Variants in VEPH1 observed in about 807,000 individuals in gnomAD.
VEPH1 encodes the protein ventricular zone-expressed PH domain-containing protein homolog 1.
A neutral mutation model predicts 85.2 loss-of-function variants in VEPH1; 80 were observed. The observed-to-expected ratio is 0.94, with a 90% confidence interval of 0.78 to 1.13. VEPH1 has a LOEUF of 1.13. Among genes scored for constraint, VEPH1 ranks in the 50% most tolerant of loss-of-function variants. The probability of loss-of-function intolerance (pLI) is 0.00; values close to 1 mark genes in which losing one functional copy is unlikely to be tolerated. For missense variants in VEPH1, 955 were observed against 980.5 expected (o/e 0.97, Z 0.35); for synonymous variants, 297 against 348.0 (o/e 0.85, Z 1.63).
chr3:157,489,657 CTTAT>C (rs1739031979), intron 2 of VEPH1, among the ~76,000 whole-genome samples: 1 of 151,904 alleles, frequency 6.6e-6, no homozygotes, highest in African/African-American at 2.4e-5. Context: ...ACATATCTTC[CTTAT>C]TTATTTGTTT....
chr3:157,317,074 A>G lies in VEPH1; in HGVS notation c.1863T>C (p.Phe621=), dbSNP rs773977718. The G allele has an allele frequency of 6.2e-7, 1 of 1,612,384 alleles. No homozygotes were observed. Among genetic ancestry groups the G allele is most frequent in the African/African-American group, 1.3e-5 (1 of 74,880 alleles). ...QEPQPWIQIM[F]LFQQSLFPEP... Reference sequence around the variant, plus strand: ...AAATTATACAAACCTGCTGAAATAGAAACATGATCTGGATCCATGGCTGAG... The same window carrying G: ...AAATTATACAAACCTGCTGAAATAGGAACATGATCTGGATCCATGGCTGAG... Residue 621 remains phenylalanine, a synonymous_variant, in exon 10 of 14, where the codon TTT becomes TTC. Transcript: ENST00000362010.
At chr3:157,295,954 C>A (rs1410339013) in intron 11 of VEPH1, among the ~76,000 whole-genome samples, 2 of 149,362 alleles carry the variant, frequency 1.3e-5, no homozygotes, top group African/African-American at 4.9e-5. Context: ...GACTCCATCT[C>A]AAAAAAAAAT....
At chr3:157,280,442 G>T (rs1033687004) in intron 12 of VEPH1, among the ~76,000 whole-genome samples, 5 of 152,138 alleles carry the variant, frequency 3.3e-5, no homozygotes, top group Admixed American at 6.5e-5. Flanking sequence ...AGACAAGATT[G>T]TTGACCCAAT....
intron 6 of VEPH1, among the ~76,000 whole-genome samples, chr3:157,386,682 A>G: frequency 6.6e-6 from 1 of 152,196 alleles, no homozygotes; most frequent in East Asian, 1.9e-4. Flanking sequence ...CAAAATGTCA[A>G]TATTGCCAAG....
In VEPH1 at chr3:157,450,427, C is replaced by T. The variant is rs1577687546; in HGVS notation, c.529+9754G>A. 2.0e-5 allele frequency among the ~76,000 whole-genome samples: 3 copies of T among 151,994 alleles called. No individual in the cohort carries two copies. In the East Asian group the frequency reaches 5.8e-4, roughly 29 times the overall value. On this transcript the variant is annotated intron_variant, in intron 4 of 13. Transcript: ENST00000362010. ...GAGATAATGATTGTTTTGACCCTTC[C>T]TTTCTGTTATAACTTTCATTTATTT...
At chr3:157,305,843 C>T (rs139972751) in intron 11 of VEPH1, among the ~76,000 whole-genome samples, 148 of 152,274 alleles carry the variant, frequency 9.7e-4, no homozygotes, top group African/African-American at 3.4e-3. Context: ...ATATCTTTTA[C>T]GGACTCAGTC....
chr3:157,470,219 G>T, intron 3 of VEPH1, 95 bp downstream of exon 3: 3 of 1,122,814 alleles, frequency 2.7e-6, no homozygotes, highest in Non-Finnish European at 3.9e-6. Flanking sequence ...GTATCTAAAT[G>T]CTGCAGAAGC....
intron 2 of VEPH1, among the ~76,000 whole-genome samples, chr3:157,492,333 C>G (rs1375694003): frequency 6.6e-6 from 1 of 152,166 alleles, no homozygotes; most frequent in Non-Finnish European, 1.5e-5. Flanking sequence ...CATTGTAAAT[C>G]AGTACATCGT....
intron 3 of VEPH1, 110 bp downstream of exon 3, chr3:157,470,204 T>A (rs1736790309): frequency 1.0e-6 from 1 of 1,000,468 alleles, no homozygotes. Flanking sequence ...TAGTGTCTTT[T>A]TACAGTATCT....
chr3:157,454,870 G>A (rs1486571006), intron 4 of VEPH1, among the ~76,000 whole-genome samples: 1 of 152,006 alleles, frequency 6.6e-6, no homozygotes, highest in Admixed American at 6.6e-5. Flanking sequence ...GCATTAATTC[G>A]CTTAGGATAA....
At chr3:157,371,633 G>A (rs796825726) in intron 7 of VEPH1, among the ~76,000 whole-genome samples, 3 of 152,182 alleles carry the variant, frequency 2.0e-5, no homozygotes, top group East Asian at 3.9e-4. Flanking sequence ...TTTGAGAAGC[G>A]ATGGCCCAGA....
chr3:157,302,359 G>A (rs969706510), intron 11 of VEPH1, among the ~76,000 whole-genome samples: 1 of 152,172 alleles, frequency 6.6e-6, no homozygotes, highest in African/African-American at 2.4e-5. Flanking sequence ...GAAGGCTTAT[G>A]TCCCCCTACC....
chr3:157,314,330 CAA>C (rs34703314), intron 10 of VEPH1, among the ~76,000 whole-genome samples: 568 of 42,890 alleles, frequency 0.013, 2 homozygotes, highest in East Asian at 0.1. Context: ...GAGGATCCGT[CAA>C]AAAAAAAAAA....
intron 11 of VEPH1, among the ~76,000 whole-genome samples, chr3:157,290,033 CAA>C (rs201562979): frequency 3.0e-4 from 24 of 78,708 alleles, no homozygotes; most frequent in African/African-American, 1.3e-3. Flanking sequence ...TTATTATACA[CAA>C]ACACACACAC....
Position 157,261,031 on chromosome 3 carries a change from G to A in VEPH1, c.*103C>T. The A allele has an allele frequency of 2.0e-6, 3 of 1,491,392 alleles. No individual in the cohort carries two copies. The highest frequency in any genetic ancestry group is 2.7e-6 in the Non-Finnish European group (3 of 1,108,764). 92.4% of individuals were successfully genotyped at this position (1,491,392 alleles called of 1,614,324 possible). ...AGGACAACAATTCCATTGGTATTTAGTAAAAAACAACATGGCTTGGTAAAT... is the reference window on the plus strand; with the variant it reads ...AGGACAACAATTCCATTGGTATTTAATAAAAAACAACATGGCTTGGTAAAT... On this transcript the variant is annotated 3_prime_UTR_variant, in exon 14 of 14. Coordinates refer to ENST00000362010, the MANE Select transcript of VEPH1 (RefSeq NM_001167912.2).
At chr3:157,469,205 C>A (rs181316689) in intron 3 of VEPH1, among the ~76,000 whole-genome samples, 8 of 152,226 alleles carry the variant, frequency 5.3e-5, no homozygotes, top group African/African-American at 1.9e-4. Flanking sequence ...AACCCTTAAC[C>A]CTGGGGATGA....
chr3:157,334,862 C>T (rs138796974), intron 9 of VEPH1, among the ~76,000 whole-genome samples: 29 of 152,102 alleles, frequency 1.9e-4, no homozygotes, highest in African/African-American at 2.9e-4. Context: ...ATGGCATGTC[C>T]GAGAAGGCAG....
intron 12 of VEPH1, among the ~76,000 whole-genome samples, chr3:157,273,764 A>C (rs1003231684): frequency 2.0e-5 from 3 of 152,258 alleles, no homozygotes; most frequent in African/African-American, 7.2e-5. Context: ...TTGTATAGTC[A>C]TAGACCTCTT....
intron 6 of VEPH1, among the ~76,000 whole-genome samples, chr3:157,391,126 A>T (rs891144234): frequency 1.3e-5 from 2 of 152,102 alleles, no homozygotes; most frequent in Admixed American, 6.5e-5. Context: ...CGCCTGTCTC[A>T]CCTGTGGTGG....
Sources: allele counts gnomAD v4.1 joint callset (sites outside exome capture counted in the v4.1 genomes callset), GRCh38; gene constraint gnomAD v4.1.1; transcripts MANE v1.5; gene names NCBI Gene and HGNC (gene_info 2026-07-23, HGNC 2026-07-21).